GRID2: variants seen among roughly 807,000 people sequenced by gnomAD.
GRID2 encodes the protein glutamate ionotropic receptor delta type subunit 2.
In GRID2, 33 loss-of-function variants were observed where a neutral mutation model predicts 114.8. The observed-to-expected ratio is 0.29, with a 90% CI of 0.22 to 0.38. The LOEUF is 0.38. GRID2 is among the 10% of genes least tolerant of loss of function. The pLI, the probability that GRID2 is intolerant of heterozygous loss-of-function variation, is 1.00. For synonymous variants in GRID2, 505 were observed against 449.9 expected, an observed-to-expected ratio of 1.12 and a Z score of -1.55; for missense variants, 1,184 against 1,257.7, an observed-to-expected ratio of 0.94 and a Z score of 0.89.
chr4:92,729,172 T>C (rs1210575889), intron 2 of GRID2, among the ~76,000 whole-genome samples: 5 of 151,944 alleles, frequency 3.3e-5, no homozygotes, highest in Admixed American at 2.0e-4. Context: ...ATCTCTGACA[T>C]GTTAAACTAT....
chr4:93,778,934 C>G (rs1285088481), downstream of GRID2, among the ~76,000 whole-genome samples: 1 of 152,044 alleles, frequency 6.6e-6, no homozygotes, highest in African/African-American at 2.4e-5. Context: ...AATATATACA[C>G]ATAATTGGGA....
chr4:92,788,567 G>T (rs766745675), intron 2 of GRID2, among the ~76,000 whole-genome samples: 1 of 151,720 alleles, frequency 6.6e-6, no homozygotes, highest in Non-Finnish European at 1.5e-5. Context: ...AAATATGAAA[G>T]CATTCTCATG....
intron 2 of GRID2, among the ~76,000 whole-genome samples, chr4:92,650,915 G>A (rs1048557220): frequency 3.3e-5 from 5 of 151,904 alleles, no homozygotes; most frequent in Admixed American, 6.6e-5. Flanking sequence ...TCACCTTGCT[G>A]GAATTGGAAC....
At chr4:92,482,667 A>G (rs1384778102) in intron 1 of GRID2, among the ~76,000 whole-genome samples, 1 of 152,164 alleles carries the variant, frequency 6.6e-6, no homozygotes, top group Non-Finnish European at 1.5e-5. Context: ...ATTTGGTCTT[A>G]TCAAATCATA....
chr4:93,223,541 A>C (rs1745135030), intron 6 of GRID2, among the ~76,000 whole-genome samples: 1 of 152,156 alleles, frequency 6.6e-6, no homozygotes, highest in African/African-American at 2.4e-5. Flanking sequence ...TCCATGATTA[A>C]TTATAACCCG....
At chr4:92,671,424 T>A (rs1365296345) in intron 2 of GRID2, among the ~76,000 whole-genome samples, 1 of 152,142 alleles carries the variant, frequency 6.6e-6, no homozygotes, top group African/African-American at 2.4e-5. Flanking sequence ...CCTTGTTAGA[T>A]TCATATTGTA....
intron 8 of GRID2, among the ~76,000 whole-genome samples, chr4:93,317,967 T>C (rs966885088): frequency 8.3e-6 from 1 of 119,866 alleles, no homozygotes; most frequent in African/African-American, 3.0e-5. Flanking sequence ...ATCAGTTTTA[T>C]CTTTCCCTTT....
intron 4 of GRID2, among the ~76,000 whole-genome samples, chr4:93,193,423 T>C (rs561112344): frequency 6.6e-6 from 1 of 152,174 alleles, no homozygotes; most frequent in South Asian, 2.1e-4. Context: ...CTCATGATAG[T>C]GAGTGAGTTC....
At chr4:93,806,186 A>T (rs1027463455) in intron 1 of GRID2, among the ~76,000 whole-genome samples, 11 of 152,256 alleles carry the variant, frequency 7.2e-5, no homozygotes, top group Non-Finnish European at 1.2e-4. Flanking sequence ...GATTATAAAC[A>T]TAGTACAATT....
chr4:92,860,146 A>G (rs1744435325), intron 2 of GRID2, among the ~76,000 whole-genome samples: 1 of 152,090 alleles, frequency 6.6e-6, no homozygotes, highest in East Asian at 1.9e-4. Context: ...TTTAAATTGA[A>G]GATTACAGAC....
chr4:93,519,231 C>T (rs1730102742), intron 13 of GRID2, among the ~76,000 whole-genome samples: 1 of 152,016 alleles, frequency 6.6e-6, no homozygotes, highest in Non-Finnish European at 1.5e-5. Context: ...AACATGATAA[C>T]ATATTTTGGC....
chr4:93,150,358 G>A (rs1424266039), intron 4 of GRID2, among the ~76,000 whole-genome samples: 2 of 152,194 alleles, frequency 1.3e-5, no homozygotes, highest in East Asian at 1.9e-4. Context: ...ATTTCACACT[G>A]TACATAAATA....
At chr4:92,713,461 TTACATATACATA>T (rs200900799) in intron 2 of GRID2, among the ~76,000 whole-genome samples, 148 of 85,566 alleles carry the variant, frequency 1.7e-3, no homozygotes, top group African/African-American at 5.3e-3. Context: ...TTACATATAT[TTACATATACATA>T]TACATATATA....
Position 93,644,133 on chromosome 4 carries a change from C to G in GRID2, c.2360+17698C>G, listed in dbSNP as rs533294375. 8.1e-5 allele frequency among the ~76,000 whole-genome samples: 7 copies of G among 86,300 alleles called. 1 individual carries two copies. Among genetic ancestry groups the G allele is most frequent in the Admixed American group, 2.0e-4 (2 of 9,924 alleles). The allele number at this position is 86,300 out of a possible 152,430, so 56.6% of individuals were successfully genotyped here. On this transcript the variant is annotated intron_variant, in intron 14 of 15. Transcript: ENST00000282020. Reference sequence around the variant, plus strand: ...GGAAAGGGAACTCCCTGACCCCTTGCGCTTCCCAGGTGAGGCAATGCCTCG... The same window carrying G: ...GGAAAGGGAACTCCCTGACCCCTTGGGCTTCCCAGGTGAGGCAATGCCTCG...
Position 93,635,238 on chromosome 4 carries a change from T to C in GRID2, c.2360+8803T>C, listed in dbSNP as rs144236794. 4.7e-4 allele frequency among the ~76,000 whole-genome samples: 71 copies of C among 151,380 alleles called. No individual in the cohort carries two copies. In the East Asian group the frequency reaches 0.013, roughly 28 times the overall value. On this transcript the variant is annotated intron_variant, in intron 14 of 15. Transcript: ENST00000282020. ...TACCACTAACATCAGCTGGTTTCATTGTATCCACATTTTCTGTTCCAGATC... is the reference window on the plus strand; with the variant it reads ...TACCACTAACATCAGCTGGTTTCATCGTATCCACATTTTCTGTTCCAGATC...
intron 2 of GRID2, among the ~76,000 whole-genome samples, chr4:92,606,343 A>G (rs929264952): frequency 7.4e-6 from 1 of 135,360 alleles, no homozygotes; most frequent in African/African-American, 2.6e-5. Context: ...TTTACAGATG[A>G]AGAAAATGAG....
chr4:93,715,979 G>A (rs1444913296), intron 14 of GRID2, among the ~76,000 whole-genome samples: 2 of 152,132 alleles, frequency 1.3e-5, no homozygotes, highest in African/African-American at 4.8e-5. Flanking sequence ...AATAGGAGAG[G>A]TGAGAGAGGG....
intron 13 of GRID2, among the ~76,000 whole-genome samples, chr4:93,533,928 A>G (rs183188569): frequency 6.6e-6 from 1 of 152,146 alleles, no homozygotes; most frequent in East Asian, 1.9e-4. Flanking sequence ...AAACTCTTAC[A>G]ATAGCTTGCA....
chr4:92,992,317 A>T (rs1442908582), intron 2 of GRID2, among the ~76,000 whole-genome samples: 1 of 152,158 alleles, frequency 6.6e-6, no homozygotes, highest in Non-Finnish European at 1.5e-5. Context: ...ATATTGTTTC[A>T]TGGCAACTTC....
Sources: allele counts gnomAD v4.1 joint callset (sites outside exome capture counted in the v4.1 genomes callset), GRCh38; gene constraint gnomAD v4.1.1; transcripts MANE v1.5; gene names NCBI Gene and HGNC (gene_info 2026-07-23, HGNC 2026-07-21).